The following OLFM3 variants were observed in gnomAD, a reference collection of about 807,000 sequenced individuals.
The protein encoded by OLFM3 is noelin-3.
Under a neutral mutation model 48.6 loss-of-function variants are expected in OLFM3, and 20 were observed. The ratio of observed to expected loss-of-function variants is 0.41; its 90% CI spans 0.29 to 0.60. The LOEUF (loss-of-function observed/expected upper bound fraction) is 0.60, where lower values mean the gene tolerates loss of function less well. Among genes scored for constraint, OLFM3 ranks in the 20% least tolerant of loss-of-function variants. The pLI is 0.28. For missense variants in OLFM3, 437 were observed against 544.3 expected (o/e 0.80, Z 1.96); for synonymous variants, 222 against 198.1 (o/e 1.12, Z -1.01).
intron 1 of OLFM3, among the ~76,000 whole-genome samples, chr1:101,876,232 G>A (rs915213788): frequency 6.6e-6 from 1 of 151,874 alleles, no homozygotes. Flanking sequence ...CTTACAGCAG[G>A]AGCCACCTGC....
intron 1 of OLFM3, among the ~76,000 whole-genome samples, chr1:101,961,604 A>T (rs1251877272): frequency 6.6e-6 from 1 of 152,202 alleles, no homozygotes; most frequent in Non-Finnish European, 1.5e-5. Flanking sequence ...AAAAGTCATC[A>T]ATATTGTTCT....
chr1:101,933,000 G>A (rs990491474), intron 1 of OLFM3, among the ~76,000 whole-genome samples: 4 of 151,972 alleles, frequency 2.6e-5, no homozygotes, highest in African/African-American at 9.7e-5. Flanking sequence ...TCAGGAGATT[G>A]AGACCATCCC....
At chr1:101,814,784 G>A (rs1489102101) in intron 4 of OLFM3, among the ~76,000 whole-genome samples, 1 of 152,080 alleles carries the variant, frequency 6.6e-6, no homozygotes, top group Admixed American at 6.6e-5. Context: ...GTATCAAAGT[G>A]TTATTGAGAA....
intron 1 of OLFM3, among the ~76,000 whole-genome samples, chr1:101,892,366 A>G (rs529254574): frequency 6.6e-6 from 1 of 151,798 alleles, no homozygotes; most frequent in Non-Finnish European, 1.5e-5. Context: ...TTAAGCTTCT[A>G]TACAAAGACT....
intron 1 of OLFM3, among the ~76,000 whole-genome samples, chr1:101,862,735 CT>C (rs932263139): frequency 2.4e-4 from 37 of 152,170 alleles, no homozygotes; most frequent in South Asian, 2.1e-4. Context: ...TGTATTTGCA[CT>C]TTTCAAAAGC....
At chr1:101,826,967 AT>A (rs1206995147) in intron 3 of OLFM3, among the ~76,000 whole-genome samples, 1 of 152,206 alleles carries the variant, frequency 6.6e-6, no homozygotes, top group Non-Finnish European at 1.5e-5. Context: ...AGATATTTAT[AT>A]TTTTTAATCT....
At chr1:101,962,969 G>A (rs760779084) in intron 1 of OLFM3, among the ~76,000 whole-genome samples, 1 of 152,200 alleles carries the variant, frequency 6.6e-6, no homozygotes, top group Non-Finnish European at 1.5e-5. Context: ...GTTAATTGAA[G>A]CTAACCATTT....
chr1:101,817,290 T>C (rs79741223), intron 4 of OLFM3, among the ~76,000 whole-genome samples: 4,126 of 152,218 alleles, frequency 0.027, 196 homozygotes, highest in African/African-American at 0.093. Flanking sequence ...GAGTCTTGCT[T>C]CATTGATTTT....
intron 1 of OLFM3, among the ~76,000 whole-genome samples, chr1:101,876,501 C>T (rs1339933506): frequency 2.0e-5 from 3 of 152,102 alleles, no homozygotes; most frequent in East Asian, 1.9e-4. Context: ...ATTACTCTTA[C>T]ATTCAGAAAT....
chr1:101,954,804 T>G (rs1448657629), intron 1 of OLFM3, among the ~76,000 whole-genome samples: 2 of 152,092 alleles, frequency 1.3e-5, no homozygotes, highest in African/African-American at 4.8e-5. Flanking sequence ...TTGGCTATTG[T>G]GCTAATAAGT....
intron 1 of OLFM3, among the ~76,000 whole-genome samples, chr1:101,863,182 G>C (rs1209927460): frequency 6.6e-6 from 1 of 152,052 alleles, no homozygotes; most frequent in African/African-American, 2.4e-5. Flanking sequence ...TGCTGGTCTC[G>C]AACTGGACTC....
chr1:101,848,691 A>G (rs983427814), intron 1 of OLFM3, among the ~76,000 whole-genome samples: 4 of 152,204 alleles, frequency 2.6e-5, no homozygotes, highest in African/African-American at 9.6e-5. Context: ...ATTTTACATT[A>G]GTATTACAAT....
intron 1 of OLFM3, among the ~76,000 whole-genome samples, chr1:101,978,509 T>C (rs964498119): frequency 6.6e-6 from 1 of 152,160 alleles, no homozygotes; most frequent in Non-Finnish European, 1.5e-5. Flanking sequence ...TCAAATAAAA[T>C]TTGTAGAATT....
intron 1 of OLFM3, among the ~76,000 whole-genome samples, chr1:101,941,809 G>A (rs1047557833): frequency 6.6e-5 from 10 of 152,244 alleles, no homozygotes; most frequent in East Asian, 1.9e-4. Context: ...GATATTAGCC[G>A]CTTCTCAAGG....
At chr1:101,916,086 T>C (rs1364596150) in intron 1 of OLFM3, among the ~76,000 whole-genome samples, 1 of 152,194 alleles carries the variant, frequency 6.6e-6, no homozygotes, top group African/African-American at 2.4e-5. Context: ...CAGGAATCTT[T>C]GTAATTTAAA....
At chr1:101,810,242 A>T (rs940556730) in intron 4 of OLFM3, among the ~76,000 whole-genome samples, 1 of 151,986 alleles carries the variant, frequency 6.6e-6, no homozygotes, top group Non-Finnish European at 1.5e-5. Context: ...AGGAAACATG[A>T]AAGAAAGCAG....
chr1:101,903,389 T>C (rs1658451687), intron 1 of OLFM3, among the ~76,000 whole-genome samples: 4 of 152,070 alleles, frequency 2.6e-5, no homozygotes, highest in Non-Finnish European at 5.9e-5. Flanking sequence ...GCTTAGGATA[T>C]TCAAAGGTTA....
intron 1 of OLFM3, among the ~76,000 whole-genome samples, chr1:101,956,146 AC>A (rs1273178793): frequency 7.1e-6 from 1 of 141,234 alleles, no homozygotes; most frequent in African/African-American, 2.7e-5. Flanking sequence ...TTCTCCCTTC[AC>A]TGTTACCAAC....
At position 101,825,023 on chromosome 1, in the gene OLFM3, C is replaced by A; in HGVS notation, c.592+3G>T. The A allele has an allele frequency of 1.2e-6, 2 of 1,612,640 alleles. No homozygotes were observed. ...CTTAGACAAATTAAATTGTCATACT[C>A]ACTTAGCTTTTTCATGCAGTCACGA... On this transcript the variant is annotated splice_donor_region_variant and intron_variant, in intron 4 of 5. Transcript: ENST00000370103.
Sources: gnomAD v4.1 joint callset for allele counts (sites outside exome capture counted in the v4.1 genomes callset) on GRCh38, gnomAD v4.1.1 for gene constraint, MANE v1.5 for transcripts, NCBI Gene and HGNC (gene_info 2026-07-23, HGNC 2026-07-21) for gene names.